GAB2: variants seen among roughly 807,000 people sequenced by gnomAD.
GAB2 encodes GRB2-associated-binding protein 2.
In GAB2, 26 loss-of-function variants were observed where a neutral mutation model predicts 65.5. The ratio of observed to expected loss-of-function variants is 0.40; its 90% CI spans 0.29 to 0.55. The LOEUF (loss-of-function observed/expected upper bound fraction) is 0.55. Ranked by LOEUF, GAB2 falls within the 20% of genes least tolerant of loss-of-function variation. The pLI, the probability that GAB2 is intolerant of heterozygous loss-of-function variation, is 0.53. For missense variants in GAB2, 884 were observed against 875.8 expected, an observed-to-expected ratio of 1.01 and a Z score of -0.12; for synonymous variants, 321 against 329.6, an observed-to-expected ratio of 0.97 and a Z score of 0.28.
chr11:78,313,854 A>G (rs1855548281), intron 1 of GAB2, among the ~76,000 whole-genome samples: 1 of 152,248 alleles, frequency 6.6e-6, no homozygotes, highest in African/African-American at 2.4e-5. Context: ...AAAATAAGGT[A>G]TCAGTACAGA....
chr11:78,304,426 CTG>C (rs1344287416), intron 1 of GAB2, among the ~76,000 whole-genome samples: 1 of 152,162 alleles, frequency 6.6e-6, no homozygotes, highest in Non-Finnish European at 1.5e-5. Context: ...GGTATAGGAT[CTG>C]TAGTGATAGG....
intron 2 of GAB2, among the ~76,000 whole-genome samples, chr11:78,277,569 C>T (rs929413498): frequency 2.6e-5 from 4 of 152,192 alleles, no homozygotes; most frequent in Non-Finnish European, 2.9e-5. Flanking sequence ...GCAAAATGGT[C>T]GAGTTTAACT....
At chr11:78,357,313 T>C (rs992346077) in intron 1 of GAB2, among the ~76,000 whole-genome samples, 2 of 152,084 alleles carry the variant, frequency 1.3e-5, no homozygotes, top group Non-Finnish European at 1.5e-5. Context: ...TCTACAGCAC[T>C]GAAAGGAACC....
At chr11:78,402,955 G>C (rs996717212) in intron 1 of GAB2, among the ~76,000 whole-genome samples, 1 of 152,108 alleles carries the variant, frequency 6.6e-6, no homozygotes, top group African/African-American at 2.4e-5. Flanking sequence ...TCATAAATTA[G>C]AGACATTATA....
chr11:78,285,912 C>T (rs1866467540), intron 1 of GAB2, among the ~76,000 whole-genome samples: 1 of 152,182 alleles, frequency 6.6e-6, no homozygotes, highest in Non-Finnish European at 1.5e-5. Flanking sequence ...ATGTTCTTTT[C>T]AAGGCATGTC....
chr11:78,416,337 T>C lies in GAB2; in HGVS notation c.75+1309A>G, dbSNP rs192302483. On this transcript the variant is annotated intron_variant, in intron 1 of 9. Coordinates refer to ENST00000361507, the MANE Select transcript of GAB2 (RefSeq NM_080491.3). ...GCCTGATTTCATTGACACACACTTG[T>C]ACTCCGCAACAACAACACTTCCTTT... 4.2e-3 allele frequency among the ~76,000 whole-genome samples: 643 copies of C among 152,314 alleles called. 6 individuals carry two copies. The highest frequency in any genetic ancestry group is 0.014 in the African/African-American group (583 of 41,554).
At position 78,239,471 on chromosome 11, in the gene GAB2, G is replaced by A. The variant is rs536606399; in HGVS notation, c.620+10686C>T. 1.2e-4 allele frequency among the ~76,000 whole-genome samples: 19 copies of A among 152,094 alleles called. 1 individual carries two copies. Among genetic ancestry groups the A allele is most frequent in the South Asian group, 4.2e-4 (2 of 4,818 alleles). ...CCTGACCTCGTGATCCACCTGCCTC[G>A]GCCTCCCAAATTACTGGGATTACAG... On this transcript the variant is annotated intron_variant, in intron 3 of 9. Coordinates refer to ENST00000361507, the MANE Select transcript of GAB2 (RefSeq NM_080491.3).
chr11:78,325,827 A>G (rs1248237850), intron 1 of GAB2, among the ~76,000 whole-genome samples: 1 of 152,222 alleles, frequency 6.6e-6, no homozygotes, highest in Non-Finnish European at 1.5e-5. Context: ...TAGTATTGCC[A>G]CAAATAAAAA....
intron 1 of GAB2, among the ~76,000 whole-genome samples, chr11:78,365,880 C>A (rs908545414): frequency 1.3e-5 from 2 of 152,194 alleles, no homozygotes; most frequent in Non-Finnish European, 1.5e-5. Context: ...AATTCTATCC[C>A]GCTCTATGGA....
chr11:78,403,877 A>T (rs1306788436), intron 1 of GAB2, among the ~76,000 whole-genome samples: 1 of 152,210 alleles, frequency 6.6e-6, no homozygotes, highest in Admixed American at 6.5e-5. Context: ...TAAGGAGCTC[A>T]AAGTCATATA....
chr11:78,223,335 TCCACATGACC>T, intron 6 of GAB2, 67 bp downstream of exon 6: 1 of 1,242,332 alleles, frequency 8.0e-7, no homozygotes, highest in South Asian at 1.8e-5. Flanking sequence ...AAGTCCAGGA[TCCACATGACC>T]CCTAAGCAAA....
chr11:78,408,957 C>G (rs1591095283), intron 1 of GAB2, among the ~76,000 whole-genome samples: 1 of 152,156 alleles, frequency 6.6e-6, no homozygotes, highest in Non-Finnish European at 1.5e-5. Flanking sequence ...ATTACCCAGT[C>G]TCAGGTAGTT....
At chr11:78,351,799 T>G (rs528069973) in intron 1 of GAB2, among the ~76,000 whole-genome samples, 2 of 152,198 alleles carry the variant, frequency 1.3e-5, no homozygotes, top group East Asian at 3.9e-4. Context: ...GGACTCTAAT[T>G]CCAAGGAGAC....
intron 1 of GAB2, chr11:78,318,090 A>G (rs1477720485): frequency 6.6e-6 from 1 of 152,038 alleles, no homozygotes; most frequent in African/African-American, 2.4e-5. Context: ...AGAAATCACA[A>G]TCTTGTATAT....
At chr11:78,231,359 G>C (rs946280135) in intron 3 of GAB2, among the ~76,000 whole-genome samples, 9 of 152,006 alleles carry the variant, frequency 5.9e-5, no homozygotes, top group African/African-American at 1.9e-4. Context: ...GTGTGTGTGT[G>C]TGTGTGTGTG....
At chr11:78,354,030 G>A (rs1423560049) in intron 1 of GAB2, among the ~76,000 whole-genome samples, 2 of 152,184 alleles carry the variant, frequency 1.3e-5, no homozygotes, top group East Asian at 1.9e-4. Context: ...GGGATCTTAC[G>A]TGATGTTGGT....
chr11:78,280,233 G>C (rs986111542), intron 2 of GAB2, among the ~76,000 whole-genome samples: 3 of 152,228 alleles, frequency 2.0e-5, no homozygotes, highest in African/African-American at 7.2e-5. Context: ...ATGAAGGAGA[G>C]AAGGGACCAA....
intron 1 of GAB2, among the ~76,000 whole-genome samples, chr11:78,353,750 G>A (rs1020151955): frequency 1.3e-5 from 2 of 152,134 alleles, no homozygotes; most frequent in African/African-American, 4.8e-5. Flanking sequence ...GGACAGTGCA[G>A]CTCTAGATAA....
chr11:78,293,738 G>C (rs897505359), intron 1 of GAB2, among the ~76,000 whole-genome samples: 3 of 152,154 alleles, frequency 2.0e-5, no homozygotes, highest in Non-Finnish European at 1.5e-5. Context: ...CAAACTGGCT[G>C]TGTCACTGGA....
Sources: gnomAD v4.1 joint callset for allele counts (sites outside exome capture counted in the v4.1 genomes callset) on GRCh38, gnomAD v4.1.1 for gene constraint, MANE v1.5 for transcripts, NCBI Gene and HGNC (gene_info 2026-07-23, HGNC 2026-07-21) for gene names.